The following MOB3B variants were observed in gnomAD, a reference collection of about 807,000 sequenced individuals.
The protein encoded by MOB3B is MOB kinase activator-like 2B.
Under a neutral mutation model 18.7 loss-of-function variants are expected in MOB3B, and 7 were observed. That is an observed-to-expected ratio of 0.37 (90% CI 0.21 to 0.70). The LOEUF (loss-of-function observed/expected upper bound fraction) is 0.70. Among genes scored for constraint, MOB3B ranks in the 30% least tolerant of loss-of-function variants. The pLI, the probability that MOB3B is intolerant of heterozygous loss-of-function variation, is 0.52. For missense variants in MOB3B, 253 were observed against 281.3 expected, an observed-to-expected ratio of 0.90 and a Z score of 0.72; for synonymous variants, 111 against 99.9, an observed-to-expected ratio of 1.11 and a Z score of -0.66.
At chr9:27,490,484 G>C (rs532227247) in intron 1 of MOB3B, among the ~76,000 whole-genome samples, 40 of 152,342 alleles carry the variant, frequency 2.6e-4, no homozygotes, top group African/African-American at 8.9e-4. Context: ...CAGGAGATGA[G>C]ATTTGAATGT....
chr9:27,511,904 C>T (rs1820152056), intron 1 of MOB3B, among the ~76,000 whole-genome samples: 1 of 152,184 alleles, frequency 6.6e-6, no homozygotes, highest in South Asian at 2.1e-4. Context: ...ACTATTCCCT[C>T]TCCTTCCTGG....
chr9:27,463,029 A>C (rs934949077), intron 1 of MOB3B, among the ~76,000 whole-genome samples: 32 of 152,384 alleles, frequency 2.1e-4, no homozygotes, highest in African/African-American at 7.5e-4. Context: ...GGTTGCTGCA[A>C]GAATTCAAAC....
intron 2 of MOB3B, among the ~76,000 whole-genome samples, chr9:27,384,101 C>G (rs141400151): frequency 3.2e-4 from 49 of 152,088 alleles, no homozygotes; most frequent in African/African-American, 1.1e-3. Context: ...ATAATAGAAA[C>G]TTTGGGGAAT....
chr9:27,512,484 A>G (rs955255176), intron 1 of MOB3B, among the ~76,000 whole-genome samples: 3 of 152,228 alleles, frequency 2.0e-5, no homozygotes, highest in Non-Finnish European at 4.4e-5. Flanking sequence ...AAGTTTAATA[A>G]AAATATTGCT....
chr9:27,473,190 C>T (rs1348528014), intron 1 of MOB3B, among the ~76,000 whole-genome samples: 1 of 152,224 alleles, frequency 6.6e-6, no homozygotes, highest in Non-Finnish European at 1.5e-5. Context: ...GGCCACTACA[C>T]TTGGATTCTC....
At chr9:27,517,249 T>C (rs1228734939) in intron 1 of MOB3B, among the ~76,000 whole-genome samples, 1 of 152,212 alleles carries the variant, frequency 6.6e-6, no homozygotes, top group East Asian at 1.9e-4. Context: ...TGTTTTCCCT[T>C]GTATTCTTGG....
intron 2 of MOB3B, among the ~76,000 whole-genome samples, chr9:27,413,004 C>T (rs1463318569): frequency 6.6e-6 from 1 of 152,204 alleles, no homozygotes; most frequent in African/African-American, 2.4e-5. Flanking sequence ...TTTGCTTTAG[C>T]CATCTACAGG....
chr9:27,358,774 C>G (rs1587153159), intron 3 of MOB3B: 1 of 676,124 alleles, frequency 1.5e-6, no homozygotes, highest in East Asian at 3.0e-5. Flanking sequence ...AAAGTTAAAG[C>G]TACTCCCTCT....
intron 1 of MOB3B, among the ~76,000 whole-genome samples, chr9:27,524,150 TAAA>T (rs3081119): frequency 3.3e-5 from 3 of 90,244 alleles, no homozygotes; most frequent in Admixed American, 1.2e-4. Context: ...TCACCCGAAG[TAAA>T]AAAAAAAAAA....
chr9:27,520,180 A>G (rs963179891), intron 1 of MOB3B, among the ~76,000 whole-genome samples: 2 of 152,236 alleles, frequency 1.3e-5, no homozygotes, highest in Non-Finnish European at 2.9e-5. Context: ...AATCACAGCT[A>G]TATCGTCTAG....
chr9:27,330,790 A>ATT (rs142161099), intron 3 of MOB3B, among the ~76,000 whole-genome samples, 174 bp from the exon 4 acceptor site: 49 of 151,092 alleles, frequency 3.2e-4, no homozygotes, highest in African/African-American at 1.1e-3. Context: ...GTTCTGCAGA[A>ATT]TTTTTTTTTT....
chr9:27,381,484 G>T (rs571533154), intron 2 of MOB3B, among the ~76,000 whole-genome samples: 2 of 152,186 alleles, frequency 1.3e-5, no homozygotes, highest in Non-Finnish European at 2.9e-5. Flanking sequence ...ACCCTGAGTG[G>T]CCCTGGAATT....
chr9:27,525,064 C>A (rs1820414201), intron 1 of MOB3B: 2 of 1,006,516 alleles, frequency 2.0e-6, no homozygotes, highest in Admixed American at 2.9e-5. Context: ...GTAAGCCTGT[C>A]CTCAGTTGGA....
intron 2 of MOB3B, among the ~76,000 whole-genome samples, chr9:27,444,701 C>T (rs1480562418): frequency 6.6e-6 from 1 of 152,102 alleles, no homozygotes; most frequent in Admixed American, 6.6e-5. Context: ...GATTCTAAAC[C>T]TGGATCAACC....
intron 2 of MOB3B, among the ~76,000 whole-genome samples, chr9:27,398,951 T>A (rs555512768): frequency 2.6e-5 from 4 of 151,738 alleles, no homozygotes; most frequent in African/African-American, 7.2e-5. Context: ...ACTTTTTTTT[T>A]AATCTGCAAA....
At chr9:27,390,750 A>C (rs933869147) in intron 2 of MOB3B, among the ~76,000 whole-genome samples, 25 of 152,148 alleles carry the variant, frequency 1.6e-4, no homozygotes, top group Non-Finnish European at 3.4e-4. Flanking sequence ...GAGTCCCCCC[A>C]AAATTTGTAT....
intron 1 of MOB3B, among the ~76,000 whole-genome samples, chr9:27,486,316 C>T (rs763008852): frequency 2.0e-5 from 3 of 152,138 alleles, no homozygotes; most frequent in African/African-American, 4.8e-5. Context: ...TAAGCCAATA[C>T]CTATCTAAAG....
At chr9:27,382,489 C>T (rs1230299744) in intron 2 of MOB3B, among the ~76,000 whole-genome samples, 1 of 152,078 alleles carries the variant, frequency 6.6e-6, no homozygotes, top group African/African-American at 2.4e-5. Context: ...TTCTCCAACC[C>T]CCTTCACCCC....
At chr9:27,416,517 T>A (rs1312652211) in intron 2 of MOB3B, among the ~76,000 whole-genome samples, 1 of 150,888 alleles carries the variant, frequency 6.6e-6, no homozygotes, top group Non-Finnish European at 1.5e-5. Flanking sequence ...GGAGGTTCTG[T>A]GGAACCCCTG....
Sources: allele counts gnomAD v4.1 joint callset (sites outside exome capture counted in the v4.1 genomes callset), GRCh38; gene constraint gnomAD v4.1.1; transcripts MANE v1.5; gene names NCBI Gene and HGNC (gene_info 2026-07-23, HGNC 2026-07-21).